ARHGAP17: variants seen among roughly 807,000 people sequenced by gnomAD.
ARHGAP17 encodes rho GTPase-activating protein 17.
In ARHGAP17, 57 loss-of-function variants were observed where a neutral mutation model predicts 99.5. The ratio of observed to expected loss-of-function variants is 0.57; its 90% CI spans 0.46 to 0.71. The LOEUF is 0.71. ARHGAP17 is among the 30% of genes least tolerant of loss of function. ARHGAP17 has a pLI of 0.00. For missense variants in ARHGAP17, 1,000 were observed against 1,122.4 expected (o/e 0.89, Z 1.56); for synonymous variants, 417 against 429.6 (o/e 0.97, Z 0.36).
At chr16:24,930,596 G>T in intron 19 of ARHGAP17, 188 bp downstream of exon 19, 1 of 1,012,542 alleles carries the variant, frequency 9.9e-7, no homozygotes, top group Non-Finnish European at 1.5e-6. Context: ...CAGACAATAT[G>T]TTAACAAATG....
intron 1 of ARHGAP17, among the ~76,000 whole-genome samples, chr16:25,011,999 T>G (rs921257238): frequency 6.6e-6 from 1 of 152,166 alleles, no homozygotes; most frequent in African/African-American, 2.4e-5. Context: ...ACTTATCTCA[T>G]GTATATAATT....
chr16:24,997,845 G>A (rs1485818903), intron 1 of ARHGAP17, among the ~76,000 whole-genome samples: 1 of 152,176 alleles, frequency 6.6e-6, no homozygotes, highest in South Asian at 2.1e-4. Context: ...CTGGGTGAAG[G>A]GACCTGTTGA....
rs1425848131 is a variant in ARHGAP17 at position 24,982,984 on chromosome 16, ATATATATATATATTTTT to A, written c.54-3996_54-3980del. Reference sequence around the variant, plus strand: ...ATAAATCATATATATATATATATATATATATATATATATTTTTTTTTTTTTTTTTTTTTTTTTTGAGA... The same window carrying A: ...ATAAATCATATATATATATATATATATTTTTTTTTTTTTTTTTTTTTGAGA... On this transcript the variant is annotated intron_variant, in intron 1 of 19. Transcript: ENST00000289968. Among the ~76,000 whole-genome samples, 100 of 27,970 alleles carry A rather than the reference ATATATATATATATTTTT, an allele frequency of 3.6e-3. 1 individual carries two copies. The highest frequency in any genetic ancestry group is 0.02 in the African/African-American group (96 of 4,796). The allele number at this position is 27,970 out of a possible 152,430, so 18.3% of individuals were successfully genotyped here.
chr16:25,006,463 A>G (rs2053510276), intron 1 of ARHGAP17, among the ~76,000 whole-genome samples: 1 of 151,774 alleles, frequency 6.6e-6, no homozygotes, highest in South Asian at 2.1e-4. Context: ...AAAAAAAAAA[A>G]AAAGAAAAAG....
chr16:25,005,537 CTG>C (rs1205672740), intron 1 of ARHGAP17, among the ~76,000 whole-genome samples: 1 of 152,232 alleles, frequency 6.6e-6, no homozygotes, highest in East Asian at 1.9e-4. Context: ...TTCAGATTAT[CTG>C]TTTGTAGCTC....
chr16:24,983,513 C>T (rs565120401), intron 1 of ARHGAP17, among the ~76,000 whole-genome samples: 1 of 152,100 alleles, frequency 6.6e-6, no homozygotes, highest in Non-Finnish European at 1.5e-5. Flanking sequence ...CTACATTGCC[C>T]AGGCTGGTCT....
chr16:25,006,374 C>T (rs112694885), intron 1 of ARHGAP17, among the ~76,000 whole-genome samples: 11,884 of 149,602 alleles, frequency 0.079, 1,529 homozygotes, highest in African/African-American at 0.27. Context: ...CGCTTGAACC[C>T]GGGAGACAGA....
At chr16:24,964,449 CTT>C (rs1466089661) in intron 6 of ARHGAP17, 141 bp from the exon 7 acceptor site, 2 of 640,268 alleles carry the variant, frequency 3.1e-6, no homozygotes, top group Non-Finnish European at 5.5e-6. Flanking sequence ...GCCAAATTCT[CTT>C]GAGCTTATTC....
intron 4 of ARHGAP17, 90 bp downstream of exon 4, chr16:24,970,417 T>C: frequency 9.0e-6 from 11 of 1,227,346 alleles, no homozygotes; most frequent in Non-Finnish European, 1.2e-5. Flanking sequence ...ACGCTCACAG[T>C]TCCTCTCACA....
chr16:24,937,539 GT>G (rs1310239784), intron 17 of ARHGAP17, among the ~76,000 whole-genome samples: 1 of 152,188 alleles, frequency 6.6e-6, no homozygotes, highest in Non-Finnish European at 1.5e-5. Context: ...ACCAAAACAA[GT>G]ACATGCATAG....
At chr16:24,930,370 A>G (rs767282944) in intron 19 of ARHGAP17, among the ~76,000 whole-genome samples, 2 of 152,252 alleles carry the variant, frequency 1.3e-5, no homozygotes, top group African/African-American at 2.4e-5. Flanking sequence ...ACTAAGAAAT[A>G]AAGTTCATGC....
chr16:25,009,740 G>T (rs567588413), intron 1 of ARHGAP17, among the ~76,000 whole-genome samples: 146 of 152,128 alleles, frequency 9.6e-4, no homozygotes, highest in Non-Finnish European at 1.7e-3. Context: ...CAGAAACCTG[G>T]GTTTGGGTCC....
intron 12 of ARHGAP17, among the ~76,000 whole-genome samples, chr16:24,949,823 T>C (rs372092304): frequency 3.3e-5 from 5 of 152,302 alleles, no homozygotes; most frequent in South Asian, 4.1e-4. Flanking sequence ...TACTGACGTA[T>C]GGCTTTACAG....
intron 6 of ARHGAP17, among the ~76,000 whole-genome samples, 170 bp from the exon 7 acceptor site, chr16:24,964,478 G>A (rs949305253): frequency 1.1e-4 from 17 of 152,210 alleles, no homozygotes; most frequent in Admixed American, 5.9e-4. Flanking sequence ...AATGGAAGCA[G>A]GCAAAAGGAG....
At chr16:24,947,373 A>C in intron 14 of ARHGAP17, 109 bp downstream of exon 14, 8 of 1,001,132 alleles carry the variant, frequency 8.0e-6, no homozygotes, top group Middle Eastern at 3.0e-4. Context: ...CCAACTTCAG[A>C]ATACCTTGAA....
At chr16:24,947,286 A>C (rs907931944) in intron 14 of ARHGAP17, among the ~76,000 whole-genome samples, 196 bp downstream of exon 14, 3 of 152,240 alleles carry the variant, frequency 2.0e-5, no homozygotes, top group African/African-American at 7.2e-5. Context: ...AATGTCTCAC[A>C]CATCTTTGTG....
At chr16:24,969,385 C>T (rs1480676216) in intron 4 of ARHGAP17, among the ~76,000 whole-genome samples, 4 of 152,076 alleles carry the variant, frequency 2.6e-5, no homozygotes, top group African/African-American at 9.7e-5. Context: ...CAGAAATGCA[C>T]GTTGCCTGGT....
chr16:24,945,661 T>G (rs1375606656), intron 14 of ARHGAP17, among the ~76,000 whole-genome samples: 1 of 152,184 alleles, frequency 6.6e-6, no homozygotes, highest in Admixed American at 6.5e-5. Context: ...TCTTGCTCCT[T>G]TCAAATTCCA....
chr16:24,964,491 T>A (rs2052112930), intron 6 of ARHGAP17, among the ~76,000 whole-genome samples, 183 bp from the exon 7 acceptor site: 1 of 152,214 alleles, frequency 6.6e-6, no homozygotes, highest in Non-Finnish European at 1.5e-5. Flanking sequence ...AAAAGGAGAC[T>A]TTAGCTTCTC....
Sources: gnomAD v4.1 joint callset for allele counts (sites outside exome capture counted in the v4.1 genomes callset) on GRCh38, gnomAD v4.1.1 for gene constraint, MANE v1.5 for transcripts, NCBI Gene and HGNC (gene_info 2026-07-23, HGNC 2026-07-21) for gene names.